Variants in TASOR2 observed in about 807,000 individuals in gnomAD.
TASOR2 encodes the protein transcription activation suppressor family member 2, also known as protein TASOR 2.
A neutral mutation model predicts 199.5 loss-of-function variants in TASOR2; 84 were observed. The observed-to-expected ratio is 0.42, with a 90% CI of 0.35 to 0.50. The LOEUF is 0.50. Among genes scored for constraint, TASOR2 ranks in the 20% least tolerant of loss-of-function variants. TASOR2 has a pLI of 0.02. For synonymous variants in TASOR2, 1,103 were observed against 1,046.6 expected (o/e 1.05, Z -1.04); for missense variants, 2,796 against 2,835.9 (o/e 0.99, Z 0.32).
chr10:5,763,006 T>C, intron 20 of TASOR2, 23 bp from the exon 22 acceptor site: 1 of 1,609,390 alleles, frequency 6.2e-7, no homozygotes, highest in Non-Finnish European at 8.5e-7. Flanking sequence ...AAGAAGTTCT[T>C]TATCAATTTT....
At position 5,720,252 on chromosome 10, in the gene TASOR2, C is replaced by A. The variant is rs1053816109; in HGVS notation, c.-99-292C>A. ...GGCATCTGATTAGTTTTAATATTTT[C>A]ATTCTAGGGAAAAGTCAAGTTTGTG... On this transcript the variant is annotated intron_variant, in intron 3 of 20. Transcript: ENST00000328090. The surrounding 1 kb of genome is among the most constrained non-coding windows in gnomAD (Gnocchi z 5.3). 1.0e-6 allele frequency: 1 copy of A among 984,962 alleles called. No homozygotes were observed. Among genetic ancestry groups the A allele is most frequent in the Non-Finnish European group, 1.2e-6 (1 of 829,652 alleles). 61.0% of individuals were successfully genotyped at this position (984,962 alleles called of 1,614,324 possible). A position where few individuals can be genotyped will look rare whatever the true frequency, so the allele number is the denominator to read the frequency against.
At chr10:5,761,012 C>T (rs1411960479) in intron 18 of TASOR2, 1 of 295,872 alleles carries the variant, frequency 3.4e-6, no homozygotes. Context: ...ATAAGGCCCA[C>T]TCGAAATTCA....
At chr10:5,697,027 T>C (rs1261453802) in intron 1 of TASOR2, among the ~76,000 whole-genome samples, 1 of 152,178 alleles carries the variant, frequency 6.6e-6, no homozygotes, top group African/African-American at 2.4e-5. Flanking sequence ...CCAAGGAGGT[T>C]CTTCATCTAA....
In TASOR2 at chr10:5,740,252, A is replaced by G. The variant is rs768988150; in HGVS notation, c.2082A>G (p.Lys694=). ...CTGAAGCAGCAACCCCAGTGGGGAA[A>G]GTCATGCCATTTCGGCATCAGCCCG... The change falls in exon 13 of 21, where the codon AAA becomes AAG. Residue 694 remains lysine, a synonymous_variant. Transcript: ENST00000328090. The surrounding 1 kb of genome is among the most constrained non-coding windows in gnomAD (Gnocchi z 5.3). The G allele has an allele frequency of 4.3e-6, 7 of 1,614,120 alleles. No homozygotes were observed. Among genetic ancestry groups the G allele is most frequent in the Middle Eastern group, 3.3e-4 (2 of 6,084 alleles).
At chr10:5,746,683 C>A (rs1436061072) in exon 15 of TASOR2, 1 of 1,614,142 alleles carries the variant, frequency 6.2e-7, no homozygotes. Context: ...GCAAGTATCA[C>A]CTGCTGCAAG....
At chr10:5,735,589 A>C in intron 12 of TASOR2, 43 bp downstream of exon 13, 1 of 1,584,184 alleles carries the variant, frequency 6.3e-7, no homozygotes, top group Non-Finnish European at 8.6e-7. Flanking sequence ...CCCAATACAG[A>C]TCTAACAGAG....
At chr10:5,721,536 A>T (rs1345515199) in intron 6 of TASOR2, among the ~76,000 whole-genome samples, 4 of 148,060 alleles carry the variant, frequency 2.7e-5, no homozygotes, top group Middle Eastern at 3.2e-3. Context: ...GTGAGGATTC[A>T]TTTTTTTTTT....
chr10:5,695,471 T>C (rs1439402334), intron 1 of TASOR2, among the ~76,000 whole-genome samples: 1 of 152,342 alleles, frequency 6.6e-6, no homozygotes, highest in East Asian at 1.9e-4. Context: ...TAATTAGGGC[T>C]GTGGTGGGTG....
intron 15 of TASOR2, among the ~76,000 whole-genome samples, chr10:5,753,963 C>T (rs1838459189): frequency 1.3e-5 from 2 of 152,152 alleles, no homozygotes; most frequent in African/African-American, 4.8e-5. Flanking sequence ...GTCACGTACA[C>T]GTTTTGGCAC....
chr10:5,712,357 C>T, intron 1 of TASOR2: 1 of 1,229,248 alleles, frequency 8.1e-7, no homozygotes, highest in Non-Finnish European at 1.0e-6. Flanking sequence ...CCTTTGGAAT[C>T]TTAAATAGCT....
At chr10:5,709,793 TA>T in intron 1 of TASOR2, 1 of 814,606 alleles carries the variant, frequency 1.2e-6, no homozygotes, top group Non-Finnish European at 1.6e-6. Context: ...CCAGTACCTA[TA>T]TTTTTTAAAA....
Position 5,706,385 on chromosome 10 carries a change from A to G in TASOR2, c.-287-6438A>G, listed in dbSNP as rs919052552. Among the ~76,000 whole-genome samples the G allele has an allele frequency of 6.6e-6, 1 of 152,196 alleles. No homozygotes were observed. The highest frequency in any genetic ancestry group is 2.4e-5 in the African/African-American group (1 of 41,460). On this transcript the variant is annotated intron_variant, in intron 1 of 20. Transcript: ENST00000328090. The surrounding 1 kb of genome is among the most constrained non-coding windows in gnomAD (Gnocchi z 4.8). ...CAAACTGAGATTGTGTTGAATCTGT[A>G]GATCAATTTTGTGTCTTAACATCCC... is the stretch of plus-strand genomic sequence containing the variant.
intron 1 of TASOR2, among the ~76,000 whole-genome samples, chr10:5,694,827 G>T (rs1439400864): frequency 1.3e-5 from 2 of 152,060 alleles, no homozygotes; most frequent in Non-Finnish European, 2.9e-5. Context: ...CCAGACCCCA[G>T]CTGCCCCTTT....
rs779415457 is a variant in TASOR2 at position 5,739,975 on chromosome 10, A to T, written c.1805A>T (p.Asp602Val). Residue 602 changes from aspartate (D) to valine (V), a missense_variant, in exon 13 of 21, where the codon GAT becomes GTT. Asp to Val is a radical substitution (Grantham distance 152). Transcript: ENST00000328090. ...GAATTACTACCTAACCCATCTTCTG[A>T]TAGGAAGAGTAATTCTGGATCAGAC... 2.5e-6 allele frequency: 4 copies of T among 1,614,152 alleles called. No homozygotes were observed. The East Asian group carries it at 8.9e-5, about 36-fold the overall frequency.
intron 1 of TASOR2, among the ~76,000 whole-genome samples, chr10:5,707,970 A>G (rs1419464307): frequency 1.3e-5 from 2 of 152,084 alleles, no homozygotes; most frequent in Admixed American, 6.5e-5. Context: ...ATTTTCCCCT[A>G]CATAAACAAC....
intron 1 of TASOR2, among the ~76,000 whole-genome samples, chr10:5,702,614 G>A (rs1007570337): frequency 1.5e-5 from 2 of 137,578 alleles, no homozygotes; most frequent in African/African-American, 5.3e-5. Flanking sequence ...TTATAGCTTT[G>A]ATCTCATTAC....
chr10:5,760,147 T>G (rs376509257), intron 18 of TASOR2, among the ~76,000 whole-genome samples: 1 of 152,210 alleles, frequency 6.6e-6, no homozygotes, highest in South Asian at 2.1e-4. Context: ...ACTCCTAGAT[T>G]GCAAACCTGT....
Position 5,737,490 on chromosome 10 carries a change from T to C in TASOR2, c.1447+1944T>C, listed in dbSNP as rs1316990152. Among the ~76,000 whole-genome samples the C allele has an allele frequency of 6.6e-6, 1 of 151,972 alleles. No homozygotes were observed. The highest frequency in any genetic ancestry group is 2.4e-5 in the African/African-American group (1 of 41,382). On this transcript the variant is annotated intron_variant, in intron 12 of 20. Transcript: ENST00000328090. This position sits in a 1 kb window ranked among gnomAD's most constrained non-coding sequence, Gnocchi z 4.9. ...GGCTGTACCTCCCCTCTCTGCGTTG[T>C]GCCTCTGCTGTTGCCACCGTGCTCC...
intron 19 of TASOR2, among the ~76,000 whole-genome samples, chr10:5,762,192 T>C (rs1354894655): frequency 7.1e-6 from 1 of 140,394 alleles, no homozygotes; most frequent in African/African-American, 2.7e-5. Flanking sequence ...GAGGCTGCAG[T>C]GAGCCGTCAT....
Sources: gnomAD v4.1 joint callset for allele counts (sites outside exome capture counted in the v4.1 genomes callset) on GRCh38, gnomAD v4.1.1 for gene constraint, Gnocchi (gnomAD v3.1) non-coding constraint, MANE v1.5 for transcripts, NCBI Gene and HGNC (gene_info 2026-07-23, HGNC 2026-07-21) for gene names.